Variants in IFT74 observed in about 807,000 individuals in gnomAD.
The protein encoded by IFT74 is intraflagellar transport protein 74 homolog.
IFT74 carries 92 observed loss-of-function variants against 96.7 expected under a neutral mutation model. The observed-to-expected ratio is 0.95, with a 90% CI of 0.80 to 1.13. IFT74 has a LOEUF of 1.13. Among genes scored for constraint, IFT74 ranks in the 50% most tolerant of loss-of-function variants. The pLI, the probability that IFT74 is intolerant of heterozygous loss-of-function variation, is 0.00. For synonymous variants in IFT74, 223 were observed against 213.2 expected (o/e 1.05, Z -0.40); for missense variants, 811 against 698.2 (o/e 1.16, Z -1.82).
intron 16 of IFT74, among the ~76,000 whole-genome samples, chr9:27,052,285 G>A (rs550696118): frequency 3.5e-4 from 53 of 152,176 alleles, no homozygotes; most frequent in Admixed American, 2.0e-3. Flanking sequence ...CAAGGCGGGC[G>A]GATCATCTGA....
intron 2 of IFT74, among the ~76,000 whole-genome samples, chr9:26,968,892 T>G (rs1352629635): frequency 1.4e-5 from 1 of 72,244 alleles, no homozygotes; most frequent in Non-Finnish European, 2.4e-5. Context: ...TCTTTTATAT[T>G]TTTTTTGTTT....
At chr9:26,973,635 C>G (rs62542663) in intron 2 of IFT74, among the ~76,000 whole-genome samples, 1 of 152,110 alleles carries the variant, frequency 6.6e-6, no homozygotes, top group Non-Finnish European at 1.5e-5. Flanking sequence ...TAGTTCCCAC[C>G]TCAGGGATCA....
chr9:26,947,341 C>T (rs1825771322), intron 1 of IFT74: 2 of 407,432 alleles, frequency 4.9e-6, no homozygotes, highest in Non-Finnish European at 8.8e-6. Context: ...GCTGGCTTTC[C>T]TCCAGGGCTC....
chr9:27,025,008 T>C (rs1019276562), intron 12 of IFT74, among the ~76,000 whole-genome samples: 5 of 146,276 alleles, frequency 3.4e-5, no homozygotes, highest in African/African-American at 1.3e-4. Flanking sequence ...CTCCAAACAG[T>C]TTGAGATTCT....
intron 2 of IFT74, 31 bp downstream of exon 2, chr9:26,962,118 G>C (rs775918756): frequency 8.7e-6 from 14 of 1,612,312 alleles, no homozygotes; most frequent in Non-Finnish European, 9.3e-6. Flanking sequence ...TTTACTTTGG[G>C]AGGCCAAGGT....
chr9:26,997,838 A>G, intron 8 of IFT74: 1 of 1,614,212 alleles, frequency 6.2e-7, no homozygotes, highest in Non-Finnish European at 8.5e-7. Flanking sequence ...TAGTGGTGGT[A>G]CATCCAAATA....
At chr9:26,970,703 A>G (rs1341015477) in intron 2 of IFT74, among the ~76,000 whole-genome samples, 1 of 152,234 alleles carries the variant, frequency 6.6e-6, no homozygotes, top group African/African-American at 2.4e-5. Flanking sequence ...AACTCATTTT[A>G]TTTGAATTTG....
intron 2 of IFT74, among the ~76,000 whole-genome samples, chr9:26,974,330 CT>C (rs1256390723): frequency 6.6e-6 from 1 of 152,106 alleles, no homozygotes; most frequent in East Asian, 1.9e-4. Flanking sequence ...ATTTTTGTAA[CT>C]TTTTTGAAAT....
intron 18 of IFT74, among the ~76,000 whole-genome samples, chr9:27,057,715 A>G (rs1277453130): frequency 2.6e-5 from 4 of 152,050 alleles, no homozygotes; most frequent in Admixed American, 2.6e-4. Context: ...AAAATTAGCC[A>G]GGAGTGGTGG....
At position 27,060,579 on chromosome 9, in the gene IFT74, TTA is replaced by T; in HGVS notation, c.1624-10_1624-9del. On this transcript the variant is annotated splice_polypyrimidine_tract_variant and intron_variant, in intron 18 of 19. Coordinates refer to ENST00000380062, the MANE Select transcript of IFT74 (RefSeq NM_025103.4). The stretch of plus-strand genomic sequence containing the variant: ...ATGGGTCCTAATTAATATTTTTCTT[TTA>T]TGTTTTTAGCTTACAAATTTGGAGA... 1.3e-6 allele frequency: 2 copies of T among 1,576,474 alleles called. No individual in the cohort carries two copies. The highest frequency in any genetic ancestry group is 1.7e-6 in the Non-Finnish European group (2 of 1,154,440).
intron 2 of IFT74, among the ~76,000 whole-genome samples, chr9:26,966,348 C>T (rs1587247483): frequency 6.6e-6 from 1 of 151,974 alleles, no homozygotes; most frequent in East Asian, 1.9e-4. Flanking sequence ...TATTGCCTTT[C>T]TTTTGGATAA....
intron 16 of IFT74, among the ~76,000 whole-genome samples, chr9:27,050,774 T>C (rs1217828379): frequency 6.7e-6 from 1 of 149,080 alleles, no homozygotes; most frequent in Non-Finnish European, 1.5e-5. Context: ...TTAGGAGGTA[T>C]ACCTAATGTA....
At chr9:26,969,732 G>T (rs901009097) in intron 2 of IFT74, among the ~76,000 whole-genome samples, 18 of 152,024 alleles carry the variant, frequency 1.2e-4, no homozygotes, top group South Asian at 4.1e-4. Flanking sequence ...CTTCCTTTGT[G>T]ATTGTTCTAT....
intron 2 of IFT74, among the ~76,000 whole-genome samples, chr9:26,964,751 A>G (rs1208540831): frequency 6.6e-6 from 1 of 152,186 alleles, no homozygotes; most frequent in Non-Finnish European, 1.5e-5. Context: ...CATCTAGAAC[A>G]ATACCACAAA....
intron 10 of IFT74, among the ~76,000 whole-genome samples, chr9:27,013,205 TG>T (rs1563974885): frequency 1.3e-5 from 2 of 152,204 alleles, no homozygotes; most frequent in African/African-American, 4.8e-5. Flanking sequence ...CTACGTGCTA[TG>T]CTAGCTGCAG....
chr9:26,975,572 G>A (rs1296727078), intron 2 of IFT74, among the ~76,000 whole-genome samples: 2 of 152,032 alleles, frequency 1.3e-5, no homozygotes, highest in East Asian at 1.9e-4. Flanking sequence ...TTCATCACGC[G>A]CTTGGCTGTT....
intron 19 of IFT74, 63 bp downstream of exon 19, chr9:27,060,714 T>TG: frequency 8.3e-7 from 1 of 1,205,054 alleles, no homozygotes; most frequent in Non-Finnish European, 1.2e-6. Context: ...GTCCCAACAC[T>TG]TTGGGAGGCC....
chr9:27,060,292 G>A (rs1303762701), intron 18 of IFT74, among the ~76,000 whole-genome samples: 1 of 151,998 alleles, frequency 6.6e-6, no homozygotes, highest in Non-Finnish European at 1.5e-5. Flanking sequence ...TCTTTTAAAA[G>A]TTTTTTTAGG....
At chr9:26,965,401 T>C (rs1185262680) in intron 2 of IFT74, among the ~76,000 whole-genome samples, 2 of 152,102 alleles carry the variant, frequency 1.3e-5, no homozygotes, top group Admixed American at 6.5e-5. Context: ...ATAATTTTGT[T>C]AAAGTCAGAT....
Sources: allele counts gnomAD v4.1 joint callset (sites outside exome capture counted in the v4.1 genomes callset), GRCh38; gene constraint gnomAD v4.1.1; transcripts MANE v1.5; gene names NCBI Gene and HGNC (gene_info 2026-07-23, HGNC 2026-07-21).